The following RAP1GAP2 variants were observed in gnomAD, a reference collection of about 807,000 sequenced individuals.
RAP1GAP2 encodes the protein RAP1 GTPase activating protein 2.
A neutral mutation model predicts 95.0 loss-of-function variants in RAP1GAP2; 27 were observed. The ratio of observed to expected loss-of-function variants is 0.28; its 90% CI spans 0.21 to 0.39. RAP1GAP2 has a LOEUF of 0.39. RAP1GAP2 is among the 10% of genes least tolerant of loss of function. The pLI, the probability that RAP1GAP2 is intolerant of heterozygous loss-of-function variation, is 1.00. For synonymous variants in RAP1GAP2, 373 were observed against 380.9 expected (o/e 0.98, Z 0.24); for missense variants, 771 against 970.0 (o/e 0.79, Z 2.72).
At chr17:2,854,954 C>T (rs1262697541) in intron 2 of RAP1GAP2, among the ~76,000 whole-genome samples, 3 of 152,130 alleles carry the variant, frequency 2.0e-5, no homozygotes, top group Non-Finnish European at 2.9e-5. Context: ...CTTCCAGTGA[C>T]CCTGCTGGAT....
chr17:2,789,988 A>G (rs894905321), intron 1 of RAP1GAP2, among the ~76,000 whole-genome samples: 1 of 152,094 alleles, frequency 6.6e-6, no homozygotes, highest in Non-Finnish European at 1.5e-5. Flanking sequence ...ATCACTATGC[A>G]GATGCTAGGT....
At chr17:2,769,032 G>C (rs1367300263) in intron 1 of RAP1GAP2, among the ~76,000 whole-genome samples, 1 of 151,462 alleles carries the variant, frequency 6.6e-6, no homozygotes, top group Non-Finnish European at 1.5e-5. Flanking sequence ...TTCAAGACCA[G>C]CCTGGGCAAC....
chr17:2,881,891 G>C (rs986951439), intron 2 of RAP1GAP2, among the ~76,000 whole-genome samples: 1 of 151,840 alleles, frequency 6.6e-6, no homozygotes, highest in Non-Finnish European at 1.5e-5. Context: ...CGCAATCTCG[G>C]CTCACTGCAA....
chr17:2,840,738 C>T (rs1048743913), intron 2 of RAP1GAP2, among the ~76,000 whole-genome samples: 1 of 152,156 alleles, frequency 6.6e-6, no homozygotes, highest in African/African-American at 2.4e-5. Flanking sequence ...TGGCTCACGC[C>T]TGTAATCCCA....
chr17:2,891,809 C>CTTTTTT (rs1488865061), intron 2 of RAP1GAP2, among the ~76,000 whole-genome samples: 41 of 58,016 alleles, frequency 7.1e-4, no homozygotes, highest in Non-Finnish European at 1.2e-3. Context: ...ATTCATATTT[C>CTTTTTT]TTTTCTTTTT....
chr17:2,944,275 G>A (rs1219398691), intron 3 of RAP1GAP2, among the ~76,000 whole-genome samples: 1 of 151,736 alleles, frequency 6.6e-6, no homozygotes, highest in Non-Finnish European at 1.5e-5. Context: ...TGGTGCAGCC[G>A]CTATGGGAAA....
chr17:2,804,113 CCTT>C (rs1309686472), intron 2 of RAP1GAP2, among the ~76,000 whole-genome samples: 1 of 152,186 alleles, frequency 6.6e-6, no homozygotes, highest in Non-Finnish European at 1.5e-5. Context: ...AGGCATCTCT[CCTT>C]CTACAGCAGC....
At chr17:3,001,749 A>G (rs907400340) in intron 14 of RAP1GAP2, among the ~76,000 whole-genome samples, 1 of 152,358 alleles carries the variant, frequency 6.6e-6, no homozygotes, top group African/African-American at 2.4e-5. Context: ...GCCATGTGAT[A>G]GGAGGGCTCC....
At chr17:2,986,430 A>G (rs958191213) in intron 11 of RAP1GAP2, among the ~76,000 whole-genome samples, 2 of 152,214 alleles carry the variant, frequency 1.3e-5, no homozygotes, top group East Asian at 1.9e-4. Context: ...TTATAATCCA[A>G]TGTTCCAGCA....
intron 17 of RAP1GAP2, among the ~76,000 whole-genome samples, chr17:3,010,127 G>A (rs1448139148): frequency 1.3e-5 from 2 of 152,040 alleles, no homozygotes; most frequent in Non-Finnish European, 2.9e-5. Context: ...GGATCACGAG[G>A]TCAGGAGATC....
intron 3 of RAP1GAP2, among the ~76,000 whole-genome samples, chr17:2,926,846 A>C (rs1031457493): frequency 4.0e-5 from 6 of 151,624 alleles, no homozygotes; most frequent in Non-Finnish European, 8.8e-5. Context: ...CTCTACTAAA[A>C]ATACAAAAAA....
intron 3 of RAP1GAP2, among the ~76,000 whole-genome samples, chr17:2,907,624 G>A (rs1042703275): frequency 6.6e-6 from 1 of 152,110 alleles, no homozygotes; most frequent in African/African-American, 2.4e-5. Context: ...AGGAAATGAT[G>A]TTTCAGCTGA....
intron 8 of RAP1GAP2, among the ~76,000 whole-genome samples, chr17:2,979,513 C>CTGAA (rs1395173871): frequency 7.7e-6 from 1 of 130,244 alleles, no homozygotes; most frequent in African/African-American, 3.0e-5. Flanking sequence ...GTCACCCAGG[C>CTGAA]TGAAGTGCAG....
chr17:2,996,304 C>T (rs954240018), intron 13 of RAP1GAP2, among the ~76,000 whole-genome samples: 5 of 152,182 alleles, frequency 3.3e-5, no homozygotes, highest in Non-Finnish European at 1.5e-5. Flanking sequence ...TGGGGAGAGC[C>T]GCGGCTGGTT....
At position 2,906,910 on chromosome 17, in the gene RAP1GAP2, A is replaced by G. The variant is rs1469039159; in HGVS notation, c.165+1542A>G. ...ACATAACTCACTCTGGCTTAGTCAT[A>G]AAAGGGTATTTTTTGCCTTTGTAAT... is the stretch of plus-strand genomic sequence containing the variant. On this transcript the variant is annotated intron_variant, in intron 3 of 24. Coordinates refer to ENST00000254695, the MANE Select transcript of RAP1GAP2 (RefSeq NM_015085.5). The surrounding 1 kb of genome is among the most constrained non-coding windows in gnomAD (Gnocchi z 4.3). Among the ~76,000 whole-genome samples, 1 of 152,082 alleles carries G rather than the reference A, an allele frequency of 6.6e-6. No individual in the cohort carries two copies. The highest frequency in any genetic ancestry group is 1.5e-5 in the Non-Finnish European group (1 of 68,020).
intron 10 of RAP1GAP2, among the ~76,000 whole-genome samples, chr17:2,984,160 C>G (rs748484214): frequency 5.9e-4 from 90 of 152,006 alleles, no homozygotes; most frequent in Non-Finnish European, 9.6e-4. Flanking sequence ...ACCAGCCTGG[C>G]CAACATGGTG....
intron 8 of RAP1GAP2, among the ~76,000 whole-genome samples, chr17:2,969,707 T>C (rs1479946855): frequency 6.6e-6 from 1 of 151,840 alleles, no homozygotes; most frequent in Non-Finnish European, 1.5e-5. Context: ...TTTCGCTGTG[T>C]TGGCCAGGCT....
At chr17:2,842,941 T>C (rs2071429661) in intron 2 of RAP1GAP2, among the ~76,000 whole-genome samples, 1 of 152,184 alleles carries the variant, frequency 6.6e-6, no homozygotes, top group South Asian at 2.1e-4. Flanking sequence ...GTCTTTCCCC[T>C]TCTTTTCTTT....
chr17:2,884,442 G>A (rs1329182789), intron 2 of RAP1GAP2, among the ~76,000 whole-genome samples: 1 of 146,488 alleles, frequency 6.8e-6, no homozygotes, highest in African/African-American at 2.5e-5. Flanking sequence ...GTGCAGTCTC[G>A]GCTCACTGTA....
Sources: allele counts gnomAD v4.1 joint callset (sites outside exome capture counted in the v4.1 genomes callset), GRCh38; gene constraint gnomAD v4.1.1; non-coding constraint Gnocchi (gnomAD v3.1); transcripts MANE v1.5; gene names NCBI Gene and HGNC (gene_info 2026-07-23, HGNC 2026-07-21).